The following CPLX1 variants were observed in gnomAD, a reference collection of about 807,000 sequenced individuals.
CPLX1 encodes complexin-1.
CPLX1 carries 6 observed loss-of-function variants against 15.6 expected under a neutral mutation model. That is an observed-to-expected ratio of 0.39 (90% CI 0.21 to 0.76). The LOEUF is 0.76. Ranked by LOEUF, CPLX1 falls within the 30% of genes least tolerant of loss-of-function variation. The pLI is 0.43. For synonymous variants in CPLX1, 91 were observed against 75.2 expected (o/e 1.21, Z -1.08); for missense variants, 242 against 188.6 (o/e 1.28, Z -1.66).
chr4:789,665 C>T (rs1251234978), intron 3 of CPLX1, among the ~76,000 whole-genome samples: 1 of 152,186 alleles, frequency 6.6e-6, no homozygotes, highest in African/African-American at 2.4e-5. Context: ...AGTCTCCCTC[C>T]TGCTCCCTGG....
intron 2 of CPLX1, among the ~76,000 whole-genome samples, chr4:800,966 A>G (rs566450139): frequency 1.3e-3 from 195 of 146,050 alleles, no homozygotes; most frequent in Non-Finnish European, 2.0e-3. Flanking sequence ...GCAGTGAGCC[A>G]AGATCGTGCC....
chr4:792,442 G>T lies in CPLX1; in HGVS notation c.198C>A (p.Ile66=), dbSNP rs376378419. ...EAEREAVRQG[I]RDKYGIKKKE... ...CCGGCCCGGCGCGCACCTTGTCTCG[G>T]ATGCCCTGGCGCACGGCCTCGCGCT... The change falls in exon 3 of 4, where the codon ATC becomes ATA. Residue 66 remains isoleucine, a synonymous_variant. Coordinates refer to ENST00000304062, the MANE Select transcript of CPLX1 (RefSeq NM_006651.4). 310 of 1,588,644 alleles carry T rather than the reference G, an allele frequency of 2.0e-4. 1 individual carries two copies. The highest frequency in any genetic ancestry group is 3.6e-5 in the Non-Finnish European group (42 of 1,168,700).
chr4:818,197 C>A (rs1478790832), intron 2 of CPLX1, among the ~76,000 whole-genome samples: 2 of 152,242 alleles, frequency 1.3e-5, no homozygotes, highest in African/African-American at 4.8e-5. Flanking sequence ...CTGGTTCGCC[C>A]CAGCCCTTGG....
chr4:816,801 G>A (rs980999651), intron 2 of CPLX1, among the ~76,000 whole-genome samples: 4 of 151,888 alleles, frequency 2.6e-5, no homozygotes, highest in Admixed American at 1.3e-4. Context: ...CAGCCTGGGC[G>A]ACAGAGCGAG....
intron 2 of CPLX1, among the ~76,000 whole-genome samples, chr4:816,208 G>A (rs1018437181): frequency 2.7e-5 from 4 of 146,662 alleles, no homozygotes; most frequent in African/African-American, 1.0e-4. Flanking sequence ...GGCATTCTCC[G>A]TGAAATTTTT....
intron 2 of CPLX1, among the ~76,000 whole-genome samples, chr4:794,250 GC>G (rs1248544781): frequency 1.3e-5 from 2 of 152,254 alleles, no homozygotes; most frequent in Non-Finnish European, 2.9e-5. Context: ...TCCTGCAGGC[GC>G]CGCCGACTGC....
chr4:799,000 T>G (rs555736259), intron 2 of CPLX1, among the ~76,000 whole-genome samples: 12 of 152,324 alleles, frequency 7.9e-5, no homozygotes, highest in Non-Finnish European at 1.0e-4. Flanking sequence ...TATTATGAGA[T>G]ATATATATAT....
At chr4:807,759 C>G (rs1006589551) in intron 2 of CPLX1, among the ~76,000 whole-genome samples, 6 of 152,190 alleles carry the variant, frequency 3.9e-5, no homozygotes, top group Non-Finnish European at 8.8e-5. Context: ...ACTGAAATTA[C>G]AGGCGTGAGC....
At chr4:788,394 G>T in intron 3 of CPLX1, 2 of 985,304 alleles carry the variant, frequency 2.0e-6, no homozygotes, top group Non-Finnish European at 2.4e-6. Flanking sequence ...CACGTTCCCA[G>T]CCGCCTGTGG....
chr4:787,193 G>A (rs765407213), intron 3 of CPLX1: 1 of 985,208 alleles, frequency 1.0e-6, no homozygotes, highest in African/African-American at 1.7e-5. Flanking sequence ...GGCCCCAGCA[G>A]GGCCACTCCC....
chr4:788,579 G>A, intron 3 of CPLX1: 20 of 985,482 alleles, frequency 2.0e-5, no homozygotes, highest in Non-Finnish European at 2.3e-5. Flanking sequence ...GGCCCTGCAG[G>A]CCCAGAACAA....
rs1745989418 is a variant in CPLX1, at chr4:786,408, G to A, written c.*93C>T. The A allele has an allele frequency of 7.3e-7, 1 of 1,373,484 alleles. No individual in the cohort carries two copies. Among genetic ancestry groups the A allele is most frequent in the Non-Finnish European group, 9.7e-7 (1 of 1,032,954 alleles). 85.1% of individuals were successfully genotyped at this position (1,373,484 alleles called of 1,614,324 possible). A position where few individuals can be genotyped will look rare whatever the true frequency, so the allele number is the denominator to read the frequency against. ...CTGGGGCTATGGCTTATATCGGCGT[G>A]GGGGCTGCGCTCTGCTCGTCCCTCA... On this transcript the variant is annotated 3_prime_UTR_variant, in exon 4 of 4. Transcript: ENST00000304062.
chr4:794,350 G>A (rs1224224253), intron 2 of CPLX1, among the ~76,000 whole-genome samples: 2 of 152,224 alleles, frequency 1.3e-5, no homozygotes, highest in Non-Finnish European at 2.9e-5. Flanking sequence ...TGCTGCCCTC[G>A]TCGCTGCTGG....
intron 2 of CPLX1, among the ~76,000 whole-genome samples, chr4:794,242 C>T (rs1479739859): frequency 1.3e-5 from 2 of 152,262 alleles, no homozygotes; most frequent in Admixed American, 6.5e-5. Context: ...TGCCTGCATC[C>T]TGCAGGCGCC....
Position 792,496 on chromosome 4 carries a change from G to C in CPLX1, c.144C>G (p.Arg48=). 3 of 1,612,988 alleles carry C rather than the reference G, an allele frequency of 1.9e-6. No individual in the cohort carries two copies. Among genetic ancestry groups the C allele is most frequent in the Non-Finnish European group, 2.5e-6 (3 of 1,179,700 alleles). Residue 48 remains arginine (R), a synonymous_variant, in exon 3 of 4, where the codon CGC becomes CGG. Transcript: ENST00000304062. ...CCTCCATCTTGGCGTACTTGGCCTTGCGCTCCTCCTCCGCCTGGCGCAGCG... is the reference window on the plus strand; with the variant it reads ...CCTCCATCTTGGCGTACTTGGCCTTCCGCTCCTCCTCCGCCTGGCGCAGCG... ...QEALRQAEEE[R]KAKYAKMEAE...
rs1031209040 is a variant in CPLX1, at chr4:810,243, G to A, written c.31+14249C>T. Among the ~76,000 whole-genome samples the A allele has an allele frequency of 3.0e-4, 45 of 151,578 alleles. 1 individual carries two copies. The highest frequency in any genetic ancestry group is 2.9e-3 in the Admixed American group (44 of 15,210). ...TTTTTGTATTTTTAGTAGAGACGGG[G>A]TTTCACCATGTTAGCCAGGATGGTC... On this transcript the variant is annotated intron_variant, in intron 2 of 3. Transcript: ENST00000304062.
rs1050765696 is a variant in CPLX1, at chr4:813,699, C to A, written c.31+10793G>T. Among the ~76,000 whole-genome samples, 30 of 152,252 alleles carry A rather than the reference C, an allele frequency of 2.0e-4. 1 individual carries two copies. Among genetic ancestry groups the A allele is most frequent in the Admixed American group, 1.4e-3 (21 of 15,286 alleles). ...ACCCTACAGAGCCCTCACTCAAGCC[C>A]AGTCCACTGCCCTGCTCATAGATCC... On this transcript the variant is annotated intron_variant, in intron 2 of 3. Transcript: ENST00000304062.
At chr4:793,194 A>G (rs893958836) in intron 2 of CPLX1, among the ~76,000 whole-genome samples, 2 of 152,134 alleles carry the variant, frequency 1.3e-5, no homozygotes, top group African/African-American at 4.8e-5. Context: ...TCAGCCATCT[A>G]TGCAGGCAGT....
At chr4:791,881 G>T (rs1261010229) in intron 3 of CPLX1, among the ~76,000 whole-genome samples, 3 of 152,208 alleles carry the variant, frequency 2.0e-5, no homozygotes, top group African/African-American at 7.2e-5. Flanking sequence ...AGCCAGGGCC[G>T]TGCTGGAGCC....
Sources: allele counts gnomAD v4.1 joint callset (sites outside exome capture counted in the v4.1 genomes callset), GRCh38; gene constraint gnomAD v4.1.1; transcripts MANE v1.5; gene names NCBI Gene and HGNC (gene_info 2026-07-23, HGNC 2026-07-21).